The following SLC35B4 variants were observed in gnomAD, a reference collection of about 807,000 sequenced individuals.
SLC35B4 encodes solute carrier family 35 member B4, also known as nucleotide sugar transporter SLC35B4.
A neutral mutation model predicts 39.5 loss-of-function variants in SLC35B4; 28 were observed. The observed-to-expected ratio is 0.71, with a 90% CI of 0.53 to 0.97. SLC35B4 has a LOEUF of 0.97. Ranked by LOEUF, SLC35B4 falls within the 50% of genes least tolerant of loss-of-function variation. The pLI, the probability that SLC35B4 is intolerant of heterozygous loss-of-function variation, is 0.00. For synonymous variants in SLC35B4, 145 were observed against 150.4 expected, an observed-to-expected ratio of 0.96 and a Z score of 0.26; for missense variants, 334 against 414.3, an observed-to-expected ratio of 0.81 and a Z score of 1.68.
chr7:134,305,903 A>G (rs2117303024), intron 3 of SLC35B4, among the ~76,000 whole-genome samples: 1 of 152,278 alleles, frequency 6.6e-6, no homozygotes, highest in Non-Finnish European at 1.5e-5. Flanking sequence ...TCCCAACCTC[A>G]GGTGATCCAC....
chr7:134,292,329 C>G lies in SLC35B4; in HGVS notation c.*2504G>C, dbSNP rs117710346. 1.3e-5 allele frequency: 2 copies of G among 152,464 alleles called. No homozygotes were observed. Among genetic ancestry groups the G allele is most frequent in the African/African-American group, 2.4e-5 (1 of 41,512 alleles). 9.4% of individuals were successfully genotyped at this position (152,464 alleles called of 1,614,324 possible). ...AGACATATTTCCTTATATTCAGCTA[C>G]TAGAGAAAAAACAGTTCCCAGGGAA... On this transcript the variant is annotated 3_prime_UTR_variant, in exon 10 of 10. Transcript: ENST00000378509.
At chr7:134,305,630 T>G (rs1399569319) in intron 3 of SLC35B4, among the ~76,000 whole-genome samples, 2 of 152,150 alleles carry the variant, frequency 1.3e-5, no homozygotes, top group Non-Finnish European at 2.9e-5. Context: ...ATAAGAGCTT[T>G]TAATAAGTTT....
intron 1 of SLC35B4, among the ~76,000 whole-genome samples, chr7:134,312,682 A>C (rs1419580329): frequency 6.6e-6 from 1 of 152,238 alleles, no homozygotes; most frequent in Non-Finnish European, 1.5e-5. Flanking sequence ...TGTATTCGCT[A>C]TAGGATTTTT....
upstream of SLC35B4, chr7:134,316,976 C>T: frequency 1.8e-6 from 1 of 556,502 alleles, no homozygotes; most frequent in Non-Finnish European, 3.2e-6. Flanking sequence ...TCCGAGGGGG[C>T]GTCCGAGCCC....
chr7:134,300,086 G>C (rs1803545344), intron 7 of SLC35B4, 66 bp downstream of exon 7: 2 of 1,133,710 alleles, frequency 1.8e-6, no homozygotes, highest in African/African-American at 3.1e-5. Flanking sequence ...AATATTAATA[G>C]TTCACTTGAA....
At chr7:134,320,196 T>C (rs1275986749), upstream of SLC35B4, among the ~76,000 whole-genome samples, 1 of 152,230 alleles carries the variant, frequency 6.6e-6, no homozygotes, top group Non-Finnish European at 1.5e-5. Context: ...ACAGCTGCTC[T>C]GTCCTCTTGG....
chr7:134,295,295 C>T (rs1803438061), intron 9 of SLC35B4: 2 of 520,698 alleles, frequency 3.8e-6, no homozygotes, highest in African/African-American at 3.8e-5. Context: ...CCAAAAAACC[C>T]CCAATTATTC....
chr7:134,319,253 T>C (rs1804059458), upstream of SLC35B4, among the ~76,000 whole-genome samples: 1 of 152,240 alleles, frequency 6.6e-6, no homozygotes, highest in African/African-American at 2.4e-5. Flanking sequence ...CTCTGATCAA[T>C]GCCAGGGTAT....
chr7:134,316,856 C>A lies in SLC35B4; in HGVS notation c.-105G>T. The A allele has an allele frequency of 2.5e-6, 3 of 1,194,296 alleles. No individual in the cohort carries two copies. Among genetic ancestry groups the A allele is most frequent in the South Asian group, 2.8e-5 (2 of 71,898 alleles). The allele number at this position is 1,194,296 out of a possible 1,614,324, so 74.0% of individuals were successfully genotyped here. On this transcript the variant is annotated 5_prime_UTR_variant, in exon 1 of 10. Coordinates refer to ENST00000378509, the MANE Select transcript of SLC35B4 (RefSeq NM_032826.5). ...CTCTTCGCTGCGCAGCACATCGCAC[C>A]GTCCTGGAAAGCCGCTCTCACTGGG... is the stretch of plus-strand genomic sequence containing the variant.
intron 3 of SLC35B4, among the ~76,000 whole-genome samples, chr7:134,305,393 C>G (rs1262523420): frequency 6.6e-6 from 1 of 151,782 alleles, no homozygotes; most frequent in Non-Finnish European, 1.5e-5. Flanking sequence ...TAAAAAGGAT[C>G]AATTCTCAAT....
In SLC35B4 at chr7:134,290,179, T is replaced by C. The variant is rs1803303952; in HGVS notation, c.*4654A>G. ...TCAAATATGTAAGGTGCTAACTACA[T>C]AATACTCTTCCCTTCTACCACCAGG... On this transcript the variant is annotated 3_prime_UTR_variant, in exon 10 of 10. Transcript: ENST00000378509. The C allele has an allele frequency of 6.6e-6, 1 of 152,238 alleles. No homozygotes were observed. Among genetic ancestry groups the C allele is most frequent in the Admixed American group, 6.5e-5 (1 of 15,282 alleles). 9.4% of individuals were successfully genotyped at this position (152,238 alleles called of 1,614,324 possible).
chr7:134,314,760 C>A (rs974275926), intron 1 of SLC35B4, among the ~76,000 whole-genome samples: 1 of 152,018 alleles, frequency 6.6e-6, no homozygotes, highest in Non-Finnish European at 1.5e-5. Context: ...GGTCTTGAAC[C>A]CCTGACCTCG....
rs1322150745 is a variant in SLC35B4, at chr7:134,290,819, A to G, written c.*4014T>C. 1.3e-5 allele frequency: 2 copies of G among 152,192 alleles called. No individual in the cohort carries two copies. Among genetic ancestry groups the G allele is most frequent in the East Asian group, 3.8e-4 (2 of 5,196 alleles). The allele number at this position is 152,192 out of a possible 1,614,324, so 9.4% of individuals were successfully genotyped here. On this transcript the variant is annotated 3_prime_UTR_variant, in exon 10 of 10. Transcript: ENST00000378509. ...TGCTTTGGTTATCTAATAAGGGTGG[A>G]ATGACTTATAATGCTATTTACTCCA...
Position 134,311,522 on chromosome 7 carries a change from G to A in SLC35B4, c.78-2043C>T, listed in dbSNP as rs1803841359. ...ATACAAAAATTAGCCAGATGTGGTG[G>A]TGCATGCCTGTAATCCCAGCTACTC... On this transcript the variant is annotated intron_variant, in intron 1 of 9. Transcript: ENST00000378509. 2.0e-5 allele frequency among the ~76,000 whole-genome samples: 3 copies of A among 152,170 alleles called. No individual in the cohort carries two copies. The South Asian group carries it at 6.2e-4, about 31-fold the overall frequency.
Position 134,300,240 on chromosome 7 carries a change from G to C in SLC35B4, c.509C>G (p.Ala170Gly), listed in dbSNP as rs1460036401. The C allele has an allele frequency of 1.2e-6, 2 of 1,611,224 alleles. No individual in the cohort carries two copies. Among genetic ancestry groups the C allele is most frequent in the South Asian group, 2.2e-5 (2 of 90,370 alleles). Residue 170 changes from alanine (A) to glycine (G), a missense_variant, in exon 7 of 10, where the codon GCT becomes GGT. By Grantham distance (60) the Ala-to-Gly change is moderately conservative. Transcript: ENST00000378509. The stretch of plus-strand genomic sequence containing the variant: ...CCCCATCCTTGCTGACATCAGAAGA[G>C]CAAAAGTCAATGCCCCAATACCTAA... The part of the protein sequence containing the change: ...WLLGIGALTF[A>G]LLMSARMGIF...
intron 1 of SLC35B4, among the ~76,000 whole-genome samples, chr7:134,314,052 GATTT>G (rs1803914046): frequency 7.0e-6 from 1 of 141,858 alleles, no homozygotes; most frequent in Non-Finnish European, 1.6e-5. Context: ...GATAAGTGAT[GATTT>G]ATTTACAAAT....
At chr7:134,314,233 G>A (rs1420063990) in intron 1 of SLC35B4, among the ~76,000 whole-genome samples, 1 of 152,032 alleles carries the variant, frequency 6.6e-6, no homozygotes, top group African/African-American at 2.4e-5. Flanking sequence ...TGGACAGAAT[G>A]GGAAGCCCTA....
At chr7:134,308,200 G>A (rs1037564958) in intron 2 of SLC35B4, among the ~76,000 whole-genome samples, 2 of 152,136 alleles carry the variant, frequency 1.3e-5, no homozygotes, top group African/African-American at 4.8e-5. Flanking sequence ...TCAGAACATC[G>A]TGGTAACCAC....
In SLC35B4 at chr7:134,290,454, CA is replaced by C. The variant is rs1314401177; in HGVS notation, c.*4378del. ...ACATAACATAAGCCAGACACTATGC[CA>C]GGGGCTGGCGATACAGAAATGAGTA... On this transcript the variant is annotated 3_prime_UTR_variant, in exon 10 of 10. Coordinates refer to ENST00000378509, the MANE Select transcript of SLC35B4 (RefSeq NM_032826.5). The C allele has an allele frequency of 1.2e-4, 19 of 152,256 alleles. No homozygotes were observed. The highest frequency in any genetic ancestry group is 3.4e-3 in the Middle Eastern group (1 of 294). 9.4% of individuals were successfully genotyped at this position (152,256 alleles called of 1,614,324 possible).
Sources: gnomAD v4.1 joint callset for allele counts (sites outside exome capture counted in the v4.1 genomes callset) on GRCh38, gnomAD v4.1.1 for gene constraint, MANE v1.5 for transcripts, NCBI Gene and HGNC (gene_info 2026-07-23, HGNC 2026-07-21) for gene names.